Variants in PCDHGB5 observed in about 807,000 individuals in gnomAD.
PCDHGB5 encodes protocadherin gamma subfamily B, 5.
Under a neutral mutation model 62.9 loss-of-function variants are expected in PCDHGB5, and 48 were observed. That is an observed-to-expected ratio of 0.76 (90% CI 0.61 to 0.97). The LOEUF (loss-of-function observed/expected upper bound fraction) is 0.97, where lower values mean the gene tolerates loss of function less well. Ranked by LOEUF, PCDHGB5 falls within the 50% of genes least tolerant of loss-of-function variation. The probability of loss-of-function intolerance (pLI) is 0.00; values close to 1 mark genes in which losing one functional copy is unlikely to be tolerated. For synonymous variants in PCDHGB5, 474 were observed against 511.2 expected (o/e 0.93, Z 0.98); for missense variants, 1,118 against 1,198.6 (o/e 0.93, Z 0.99).
At chr5:141,414,015 A>C in intron 1 of PCDHGB5, 1 of 1,613,160 alleles carries the variant, frequency 6.2e-7, no homozygotes, top group South Asian at 1.1e-5. Context: ...CCAATGGAGA[A>C]GTGACATATT....
Position 141,399,466 on chromosome 5 carries a change from G to A in PCDHGB5, c.1339G>A (p.Val447Ile), listed in dbSNP as rs1229342978. The A allele has an allele frequency of 3.1e-6, 5 of 1,613,886 alleles. No homozygotes were observed. Among genetic ancestry groups the A allele is most frequent in the East Asian group, 4.5e-5 (2 of 44,888 alleles). The change falls in exon 1 of 4, where the codon GTT becomes ATT. Residue 447 changes from valine (V) to isoleucine (I), a missense_variant. Val to Ile is a conservative substitution (Grantham distance 29, BLOSUM62 3). Transcript: ENST00000617380. ...CAGAGACGTCAACGATAACGCTCCG[G>A]TTTTCCACCAGGCGTCCTACTTAGT... is the stretch of plus-strand genomic sequence containing the variant. ...HIRDVNDNAP[V>I]FHQASYLVSV...
intron 1 of PCDHGB5, chr5:141,405,635 C>T (rs539370352): frequency 1.3e-4 from 69 of 526,234 alleles, no homozygotes; most frequent in Non-Finnish European, 1.9e-4. Context: ...CCACCACGCC[C>T]GGCTAATTTT....
intron 1 of PCDHGB5, among the ~76,000 whole-genome samples, chr5:141,455,322 G>A (rs376682363): frequency 1.3e-5 from 2 of 152,134 alleles, no homozygotes; most frequent in East Asian, 3.9e-4. Context: ...TTTTGTGTGT[G>A]TGTTTGTGGT....
In PCDHGB5 at chr5:141,431,777, G is replaced by T. The variant is rs151011884; in HGVS notation, c.2397+31253G>T. 5,401 of 1,614,186 alleles carry T rather than the reference G, an allele frequency of 3.3e-3. 6 individuals are homozygous for T. Among genetic ancestry groups the T allele is most frequent in the Non-Finnish European group, 4.2e-3 (4,899 of 1,180,002 alleles). On this transcript the variant is annotated intron_variant, in intron 1 of 3. Coordinates refer to ENST00000617380, the MANE Select transcript of PCDHGB5 (RefSeq NM_018925.3). The surrounding 1 kb of genome is among the most constrained non-coding windows in gnomAD (Gnocchi z 4.8). ...CAAAGTCCTGATCACTGTTCTGGAC[G>T]TGAACGACAATGCCCCAGAAGTGGT...
intron 1 of PCDHGB5, chr5:141,439,898 C>T (rs1428014089): frequency 6.6e-6 from 1 of 152,344 alleles, no homozygotes; most frequent in African/African-American, 2.4e-5. Context: ...ACCAAGGCGA[C>T]TACTGCCTCC....
chr5:141,455,753 G>T (rs2098830630), intron 1 of PCDHGB5, among the ~76,000 whole-genome samples: 1 of 152,074 alleles, frequency 6.6e-6, no homozygotes, highest in Non-Finnish European at 1.5e-5. Flanking sequence ...TGCTGGCCTG[G>T]CTCCTAGAGC....
In PCDHGB5 at chr5:141,487,160, G is replaced by A. The variant is rs1188929436; in HGVS notation, c.2398-7647G>A. 5.0e-6 allele frequency: 8 copies of A among 1,613,830 alleles called. No homozygotes were observed. The highest frequency in any genetic ancestry group is 5.1e-6 in the Non-Finnish European group (6 of 1,179,840). ...ACTCTCTACCTCTGTTACTCTCTTA[G>A]TGTCCTTAGAGGAAGACACTCATCC... On this transcript the variant is annotated intron_variant, in intron 1 of 3. Transcript: ENST00000617380. The surrounding 1 kb of genome is among the most constrained non-coding windows in gnomAD (Gnocchi z 5.0).
Position 141,486,320 on chromosome 5 carries a change from G to A in PCDHGB5, c.2398-8487G>A, listed in dbSNP as rs764851576. The stretch of plus-strand genomic sequence containing the variant: ...GCAGGATCCAGACTCAGGGTCAAAC[G>A]GAGATGTGAGCCTCCGCATTCCTGA... On this transcript the variant is annotated intron_variant, in intron 1 of 3. Coordinates refer to ENST00000617380, the MANE Select transcript of PCDHGB5 (RefSeq NM_018925.3). This position sits in a 1 kb window ranked among gnomAD's most constrained non-coding sequence, Gnocchi z 5.0. The A allele has an allele frequency of 6.2e-7, 1 of 1,614,010 alleles. No individual in the cohort carries two copies. Among genetic ancestry groups the A allele is most frequent in the South Asian group, 1.1e-5 (1 of 91,060 alleles).
rs1446853595 is a variant in PCDHGB5, at chr5:141,491,363, C to T, written c.2398-3444C>T. ...ACCGTCAGTCTCTTATCCCTAGTCA[C>T]CTTCACCTTTCTGTCAGCGAAGTGC... On this transcript the variant is annotated intron_variant, in intron 1 of 3. Coordinates refer to ENST00000617380, the MANE Select transcript of PCDHGB5 (RefSeq NM_018925.3). This position sits in a 1 kb window ranked among gnomAD's most constrained non-coding sequence, Gnocchi z 6.9. The T allele has an allele frequency of 6.2e-7, 1 of 1,614,182 alleles. No individual in the cohort carries two copies. Among genetic ancestry groups the T allele is most frequent in the South Asian group, 1.1e-5 (1 of 91,082 alleles).
In PCDHGB5 at chr5:141,502,866, C is replaced by CTTTTTTTTTTTTTTTTT. The variant is rs549047197; in HGVS notation, c.2457-2513_2457-2512insTTTTTTTTTTTTTTTTT. Among the ~76,000 whole-genome samples the CTTTTTTTTTTTTTTTTT allele has an allele frequency of 3.1e-5, 4 of 128,046 alleles. 1 individual carries two copies. 84.0% of individuals were successfully genotyped at this position (128,046 alleles called of 152,430 possible). A position where few individuals can be genotyped will look rare whatever the true frequency, so the allele number is the denominator to read the frequency against. ...GAGCTGCCTAACCCTGACTCTCTGTCTTTTTTTTTTTTTTGACAGGGAGTC... is the reference window on the plus strand; with the variant it reads ...GAGCTGCCTAACCCTGACTCTCTGTCTTTTTTTTTTTTTTTTTTTTTTTTTTTTTTTGACAGGGAGTC... On this transcript the variant is annotated intron_variant, in intron 2 of 3. Transcript: ENST00000617380.
rs377248872 is a variant in PCDHGB5 at position 141,489,231 on chromosome 5, C to T, written c.2398-5576C>T. 2 of 1,528,166 alleles carry T rather than the reference C, an allele frequency of 1.3e-6. No homozygotes were observed. The highest frequency in any genetic ancestry group is 1.4e-5 in the African/African-American group (1 of 72,140). The allele number at this position is 1,528,166 out of a possible 1,614,324, so 94.7% of individuals were successfully genotyped here. A position where few individuals can be genotyped will look rare whatever the true frequency, so the allele number is the denominator to read the frequency against. On this transcript the variant is annotated intron_variant, in intron 1 of 3. Transcript: ENST00000617380. This position sits in a 1 kb window ranked among gnomAD's most constrained non-coding sequence, Gnocchi z 4.5. ...CACAGACTTACTCTCCACAAAGGGA[C>T]TTCTGGGTCATGGGGCCCAAGACAC...
intron 1 of PCDHGB5, among the ~76,000 whole-genome samples, chr5:141,462,650 TC>T (rs1254671361): frequency 7.3e-6 from 1 of 137,262 alleles, no homozygotes; most frequent in African/African-American, 3.0e-5. Context: ...ATTTCCATCC[TC>T]AATTATCTTC....
At chr5:141,445,148 C>T (rs1051995635) in intron 1 of PCDHGB5, among the ~76,000 whole-genome samples, 3 of 152,092 alleles carry the variant, frequency 2.0e-5, no homozygotes, top group Non-Finnish European at 4.4e-5. Context: ...TCTAATTGTT[C>T]ATTTCTAGTT....
intron 1 of PCDHGB5, chr5:141,408,164 A>G (rs2095051548): frequency 6.6e-7 from 1 of 1,520,576 alleles, no homozygotes; most frequent in South Asian, 1.3e-5. Context: ...ACTTTCTCCA[A>G]CTGGAAAAGC....
chr5:141,448,705 C>T (rs2098601893), intron 1 of PCDHGB5, among the ~76,000 whole-genome samples: 1 of 152,100 alleles, frequency 6.6e-6, no homozygotes, highest in Non-Finnish European at 1.5e-5. Context: ...CTTTGGGAGG[C>T]CGAGGCGGGA....
chr5:141,401,564 C>A (rs2094168610), intron 1 of PCDHGB5, among the ~76,000 whole-genome samples: 1 of 152,204 alleles, frequency 6.6e-6, no homozygotes, highest in African/African-American at 2.4e-5. Flanking sequence ...GCCTGAATTT[C>A]TCTTGCTCGG....
At position 141,485,074 on chromosome 5, in the gene PCDHGB5, G is replaced by T. The variant is rs2099606548; in HGVS notation, c.2398-9733G>T. On this transcript the variant is annotated intron_variant, in intron 1 of 3. Transcript: ENST00000617380. The surrounding 1 kb of genome is among the most constrained non-coding windows in gnomAD (Gnocchi z 5.7). ...GGCCGAACCGCGCCAGAGCTGGCGCGGGGAAAGGGAGATAGGTGTCTCCAG... is the reference window on the plus strand; with the variant it reads ...GGCCGAACCGCGCCAGAGCTGGCGCTGGGAAAGGGAGATAGGTGTCTCCAG... The T allele has an allele frequency of 2.2e-6, 2 of 926,946 alleles. No homozygotes were observed. The highest frequency in any genetic ancestry group is 3.4e-6 in the Non-Finnish European group (2 of 596,630). 57.4% of individuals were successfully genotyped at this position (926,946 alleles called of 1,614,324 possible). A position where few individuals can be genotyped will look rare whatever the true frequency, so the allele number is the denominator to read the frequency against.
In PCDHGB5 at chr5:141,486,110, G is replaced by A. The variant is rs780031943; in HGVS notation, c.2398-8697G>A. 1.2e-6 allele frequency: 2 copies of A among 1,614,162 alleles called. No individual in the cohort carries two copies. Among genetic ancestry groups the A allele is most frequent in the South Asian group, 1.1e-5 (1 of 91,078 alleles). On this transcript the variant is annotated intron_variant, in intron 1 of 3. Transcript: ENST00000617380. This position sits in a 1 kb window ranked among gnomAD's most constrained non-coding sequence, Gnocchi z 5.0. ...TTTGGGGCCCCTAGACTTTGAGAGT[G>A]AGAATTACTATGAATTTGATGTGCG...
chr5:141,485,563 C>A lies in PCDHGB5; in HGVS notation c.2398-9244C>A. 2 of 1,612,904 alleles carry A rather than the reference C, an allele frequency of 1.2e-6. No individual in the cohort carries two copies. The highest frequency in any genetic ancestry group is 1.7e-6 in the Non-Finnish European group (2 of 1,179,034). ...AGATCGTAGATGTGAATGATCACGC[C>A]CCCCGTTTTCCGCGGCAGCAGCTGG... On this transcript the variant is annotated intron_variant, in intron 1 of 3. Coordinates refer to ENST00000617380, the MANE Select transcript of PCDHGB5 (RefSeq NM_018925.3). This position sits in a 1 kb window ranked among gnomAD's most constrained non-coding sequence, Gnocchi z 5.7.
Sources: gnomAD v4.1 joint callset for allele counts (sites outside exome capture counted in the v4.1 genomes callset) on GRCh38, gnomAD v4.1.1 for gene constraint, Gnocchi (gnomAD v3.1) non-coding constraint, MANE v1.5 for transcripts, NCBI Gene and HGNC (gene_info 2026-07-23, HGNC 2026-07-21) for gene names.